LSM12: variants seen among roughly 807,000 people sequenced by gnomAD.
The protein encoded by LSM12 is protein LSM12.
For missense variants in LSM12, 108 were observed against 238.9 expected (o/e 0.45, Z 3.61); for synonymous variants, 74 against 87.3 (o/e 0.85, Z 0.85).
chr17:44,044,214 G>A (rs2049532382), intron 2 of LSM12, among the ~76,000 whole-genome samples: 2 of 152,158 alleles, frequency 1.3e-5, no homozygotes. Context: ...AAAGCTGGAA[G>A]AAGAGCCACT....
intron 2 of LSM12, chr17:44,040,480 A>ACCTACCATGTGCC (rs2049473835): frequency 2.2e-6 from 1 of 460,934 alleles, no homozygotes; most frequent in Admixed American, 3.4e-5. Context: ...CTTACTGCAT[A>ACCTACCATGTGCC]CCTACCATGT....
intron 2 of LSM12, 21 bp from the exon 3 acceptor site, chr17:44,040,277 G>A (rs2049470871): frequency 6.3e-7 from 1 of 1,577,540 alleles, no homozygotes; most frequent in Non-Finnish European, 8.7e-7. Context: ...AGAGAGGAAA[G>A]AGACTCAGAA....
At chr17:44,045,703 TG>T (rs2049553759) in intron 2 of LSM12, among the ~76,000 whole-genome samples, 1 of 152,134 alleles carries the variant, frequency 6.6e-6, no homozygotes. Context: ...CCCAAGTAGC[TG>T]GGACCACAGA....
chr17:44,059,493 G>A (rs542933477), intron 2 of LSM12, among the ~76,000 whole-genome samples: 1 of 151,672 alleles, frequency 6.6e-6, no homozygotes, highest in African/African-American at 2.4e-5. Context: ...TCAGGAGGCT[G>A]AGACAGGAGA....
intron 3 of LSM12, among the ~76,000 whole-genome samples, chr17:44,039,420 G>A (rs1458414720): frequency 2.3e-5 from 3 of 129,114 alleles, no homozygotes; most frequent in Non-Finnish European, 4.7e-5. Flanking sequence ...TGTCGCCCAG[G>A]CCGGACTGCG....
At chr17:44,040,320 G>T in intron 2 of LSM12, 64 bp from the exon 3 acceptor site, 1 of 1,243,880 alleles carries the variant, frequency 8.0e-7, no homozygotes, top group Non-Finnish European at 1.2e-6. Context: ...CAACAGTCAG[G>T]ACCTAAGCTG....
intron 2 of LSM12, among the ~76,000 whole-genome samples, chr17:44,048,049 ACACACACACACACACG>A: frequency 6.6e-6 from 1 of 151,196 alleles, no homozygotes; most frequent in South Asian, 2.1e-4. Flanking sequence ...ACACACACAC[ACACACACACACACACG>A]CAAATAAAAA....
intron 2 of LSM12, among the ~76,000 whole-genome samples, chr17:44,042,692 G>A (rs1434455567): frequency 6.6e-6 from 1 of 152,048 alleles, no homozygotes; most frequent in Non-Finnish European, 1.5e-5. Context: ...AGCCTCCCGA[G>A]TAGCTGGGAC....
At chr17:44,066,722 T>A, upstream of LSM12, 1 of 1,140,494 alleles carries the variant, frequency 8.8e-7, no homozygotes, top group Non-Finnish European at 1.1e-6. Flanking sequence ...TGGCGCTGGT[T>A]GGGGCGGGAT....
At chr17:44,062,450 A>T (rs1397301663) in intron 2 of LSM12, among the ~76,000 whole-genome samples, 3 of 152,192 alleles carry the variant, frequency 2.0e-5, no homozygotes, top group Non-Finnish European at 4.4e-5. Context: ...CGTGCCATTT[A>T]ACTGAGTGCT....
At chr17:44,048,495 A>G (rs542524053) in intron 2 of LSM12, among the ~76,000 whole-genome samples, 6 of 151,646 alleles carry the variant, frequency 4.0e-5, no homozygotes, top group African/African-American at 1.2e-4. Context: ...AAAAAAAAAA[A>G]AAAAAGTAAC....
chr17:44,065,695 T>A (rs1229926353), intron 1 of LSM12, among the ~76,000 whole-genome samples: 1 of 152,152 alleles, frequency 6.6e-6, no homozygotes, highest in Non-Finnish European at 1.5e-5. Context: ...AAGGACTCCA[T>A]GTGCTGGACT....
At chr17:44,055,296 A>G (rs986605802) in intron 2 of LSM12, among the ~76,000 whole-genome samples, 3 of 151,948 alleles carry the variant, frequency 2.0e-5, no homozygotes, top group Non-Finnish European at 4.4e-5. Flanking sequence ...AAGTATACAT[A>G]GCTAAACATA....
At chr17:44,053,312 G>A (rs922414886) in intron 2 of LSM12, among the ~76,000 whole-genome samples, 5 of 152,170 alleles carry the variant, frequency 3.3e-5, no homozygotes, top group African/African-American at 7.2e-5. Context: ...GCAAGGTCGA[G>A]TAGATGTGAC....
intron 2 of LSM12, among the ~76,000 whole-genome samples, chr17:44,041,629 G>A (rs891497646): frequency 1.3e-5 from 2 of 152,076 alleles, no homozygotes; most frequent in Non-Finnish European, 2.9e-5. Flanking sequence ...CTGCCCTCTG[G>A]TGGAACCATC....
At chr17:44,042,580 T>C (rs1327009016) in intron 2 of LSM12, among the ~76,000 whole-genome samples, 1 of 65,896 alleles carries the variant, frequency 1.5e-5, no homozygotes, top group Non-Finnish European at 3.3e-5. Context: ...TTTTTTTTTT[T>C]TTGAGACGGA....
chr17:44,039,661 G>A (rs1483339781), intron 3 of LSM12, among the ~76,000 whole-genome samples: 2 of 152,080 alleles, frequency 1.3e-5, no homozygotes, highest in African/African-American at 2.4e-5. Flanking sequence ...GATTACAGGC[G>A]TGAGCCACCG....
intron 2 of LSM12, among the ~76,000 whole-genome samples, chr17:44,048,848 G>C (rs2049605952): frequency 6.6e-6 from 1 of 152,002 alleles, no homozygotes; most frequent in Non-Finnish European, 1.5e-5. Context: ...CCTTGATGTG[G>C]GCAAAGGAGA....
intron 2 of LSM12, among the ~76,000 whole-genome samples, chr17:44,055,717 T>C (rs1027048828): frequency 1.4e-5 from 2 of 144,946 alleles, no homozygotes; most frequent in Non-Finnish European, 3.0e-5. Flanking sequence ...ATATAAAATA[T>C]ATATAAAATA....
Sources: gnomAD v4.1 joint callset for allele counts (sites outside exome capture counted in the v4.1 genomes callset) on GRCh38, gnomAD v4.1.1 for gene constraint, MANE v1.5 for transcripts, NCBI Gene and HGNC (gene_info 2026-07-23, HGNC 2026-07-21) for gene names.